The following HEATR4 variants were observed in gnomAD, a reference collection of about 807,000 sequenced individuals.
The protein encoded by HEATR4 is HEAT repeat containing 4.
HEATR4 carries 95 observed loss-of-function variants against 108.8 expected under a neutral mutation model. The ratio of observed to expected loss-of-function variants is 0.87; its 90% CI spans 0.74 to 1.04. The LOEUF (loss-of-function observed/expected upper bound fraction) is 1.04, where lower values mean the gene tolerates loss of function less well. Ranked by LOEUF, HEATR4 falls within the 50% of genes least tolerant of loss-of-function variation. The probability of loss-of-function intolerance (pLI) is 0.00; values close to 1 mark genes in which losing one functional copy is unlikely to be tolerated. For missense variants in HEATR4, 1,152 were observed against 1,253.8 expected (o/e 0.92, Z 1.23); for synonymous variants, 443 against 459.4 (o/e 0.96, Z 0.46).
In HEATR4 at chr14:73,492,340, G is replaced by T. The variant is rs770987206; in HGVS notation, c.2844+726C>A. 1 of 1,613,976 alleles carries T rather than the reference G, an allele frequency of 6.2e-7. No homozygotes were observed. Among genetic ancestry groups the T allele is most frequent in the Non-Finnish European group, 8.5e-7 (1 of 1,179,844 alleles). On this transcript the variant is annotated intron_variant, in intron 17 of 17. Coordinates refer to ENST00000553558, the MANE Select transcript of HEATR4 (RefSeq NM_001220484.1). The surrounding 1 kb of genome is among the most constrained non-coding windows in gnomAD (Gnocchi z 4.9). Reference sequence around the variant, plus strand: ...AGGCCATACTGCCTCTGGCAGTGCAGGCTGCAATGGAAGAAAATGTGGAGT... The same window carrying T: ...AGGCCATACTGCCTCTGGCAGTGCATGCTGCAATGGAAGAAAATGTGGAGT...
At chr14:73,565,388 CT>C in the HEATR4 span, among the ~76,000 whole-genome samples, 2,587 of 139,670 alleles carry the variant, frequency 0.019, 70 homozygotes, top group African/African-American at 0.059. Flanking sequence ...TTTTCTTTTC[CT>C]TTTTTTTTTT....
the HEATR4 span, among the ~76,000 whole-genome samples, chr14:73,627,726 T>C: frequency 1.3e-5 from 2 of 152,206 alleles, no homozygotes; most frequent in African/African-American, 4.8e-5. Context: ...GCACGATTGA[T>C]TAAATCATTG....
Position 73,553,423 on chromosome 14 carries a change from A to C in HEATR4, c.-152+5328T>G, listed in dbSNP as rs1192044947. ...CTACGGGGGAGGCTGAGGCAGGAGA[A>C]TCACTTGGAACCCAGAAGGTAGAGG... On this transcript the variant is annotated intron_variant, in intron 1 of 17. Transcript: ENST00000553558. Among the ~76,000 whole-genome samples, 3 of 112,502 alleles carry C rather than the reference A, an allele frequency of 2.7e-5. 1 individual carries two copies. The highest frequency in any genetic ancestry group is 5.8e-5 in the Non-Finnish European group (3 of 51,384). 73.8% of individuals were successfully genotyped at this position (112,502 alleles called of 152,430 possible).
At chr14:73,519,260 G>A in intron 4 of HEATR4, 97 bp from the exon 5 acceptor site, 1 of 1,297,600 alleles carries the variant, frequency 7.7e-7, no homozygotes, top group Non-Finnish European at 1.1e-6. Flanking sequence ...ACTTCCTTTT[G>A]CCCTAATCTA....
chr14:73,601,888 C>T, the HEATR4 span, among the ~76,000 whole-genome samples: 1 of 151,000 alleles, frequency 6.6e-6, no homozygotes, highest in Non-Finnish European at 1.5e-5. Flanking sequence ...ACAAGGAGAG[C>T]TGGTTATTTC....
chr14:73,564,714 CT>C, the HEATR4 span, among the ~76,000 whole-genome samples: 1 of 127,428 alleles, frequency 7.8e-6, no homozygotes, highest in African/African-American at 2.9e-5. Flanking sequence ...CATGTCTTAT[CT>C]TTTCTGTTTT....
the HEATR4 span, among the ~76,000 whole-genome samples, chr14:73,590,647 T>C: frequency 3.3e-5 from 5 of 152,114 alleles, no homozygotes; most frequent in African/African-American, 1.2e-4. Context: ...TAAGGCCCGC[T>C]GAGAAATCGA....
chr14:73,568,647 G>A, the HEATR4 span, among the ~76,000 whole-genome samples: 2 of 152,010 alleles, frequency 1.3e-5, no homozygotes, highest in African/African-American at 2.4e-5. Flanking sequence ...AGCCGGGCGC[G>A]GTGGCTCATG....
chr14:73,587,095 C>T, the HEATR4 span, among the ~76,000 whole-genome samples: 1 of 151,048 alleles, frequency 6.6e-6, no homozygotes, highest in Non-Finnish European at 1.5e-5. Context: ...CAATTTCCTC[C>T]CTAATATAGA....
At position 73,492,675 on chromosome 14, in the gene HEATR4, A is replaced by C. The variant is rs773572459; in HGVS notation, c.2844+391T>G. 1 of 1,613,984 alleles carries C rather than the reference A, an allele frequency of 6.2e-7. No individual in the cohort carries two copies. The highest frequency in any genetic ancestry group is 1.1e-5 in the South Asian group (1 of 91,080). ...GAAACAGAAGTCCATATGCTTCAGG[A>C]TGGGATAGCTCGGCTGGTGGGTGAG... On this transcript the variant is annotated intron_variant, in intron 17 of 17. Coordinates refer to ENST00000553558, the MANE Select transcript of HEATR4 (RefSeq NM_001220484.1). This position sits in a 1 kb window ranked among gnomAD's most constrained non-coding sequence, Gnocchi z 4.9.
chr14:73,524,975 C>T (rs541793906), intron 2 of HEATR4, among the ~76,000 whole-genome samples: 3 of 152,152 alleles, frequency 2.0e-5, no homozygotes, highest in South Asian at 2.1e-4. Context: ...TAAAAGTGAC[C>T]GTATTGTATT....
chr14:73,569,854 G>A, the HEATR4 span: 3 of 1,604,970 alleles, frequency 1.9e-6, no homozygotes, highest in Non-Finnish European at 1.7e-6. Context: ...CGCGTGGGCC[G>A]GGTGCGAGGC....
chr14:73,551,523 G>C (rs1345926643), intron 1 of HEATR4, among the ~76,000 whole-genome samples: 4 of 114,124 alleles, frequency 3.5e-5, no homozygotes, highest in African/African-American at 1.1e-4. Context: ...AGACAAAATG[G>C]CAGGCCAGGC....
chr14:73,489,080 T>A (rs1885562636), intron 17 of HEATR4, among the ~76,000 whole-genome samples: 1 of 151,922 alleles, frequency 6.6e-6, no homozygotes, highest in African/African-American at 2.4e-5. Flanking sequence ...GGGAGGCTAT[T>A]TGTAATAAAC....
chr14:73,537,519 C>G (rs1160643634), intron 1 of HEATR4: 1 of 1,212,396 alleles, frequency 8.2e-7, no homozygotes, highest in Admixed American at 2.7e-5. Context: ...CAGCCGGTCA[C>G]GCTGCGCGCG....
intron 9 of HEATR4, among the ~76,000 whole-genome samples, chr14:73,507,472 C>T (rs1458039411): frequency 6.6e-6 from 1 of 152,124 alleles, no homozygotes; most frequent in Non-Finnish European, 1.5e-5. Flanking sequence ...CTTGCTCTGT[C>T]GCTCAGGCTG....
In HEATR4 at chr14:73,509,451, C is replaced by T. The variant is rs141513108; in HGVS notation, c.1581G>A (p.Pro527=). The change falls in exon 8 of 18, where the codon CCG becomes CCA. Residue 527 remains proline, a synonymous_variant. Coordinates refer to ENST00000553558, the MANE Select transcript of HEATR4 (RefSeq NM_001220484.1). ...RDSDKTIQDL[P]EVLLPALEAA... is the part of the protein sequence containing the mutation. The stretch of plus-strand genomic sequence containing the variant: ...CCTCTAGGGCAGGCAGTAGAACCTC[C>T]GGCAAGTCCTGGATGGTCTTGTCTG... 21 of 1,613,986 alleles carry T rather than the reference C, an allele frequency of 1.3e-5. No homozygotes were observed. The East Asian group carries it at 1.6e-4, about 12-fold the overall frequency.
At chr14:73,586,261 C>T in the HEATR4 span, among the ~76,000 whole-genome samples, 11 of 151,480 alleles carry the variant, frequency 7.3e-5, no homozygotes, top group East Asian at 7.8e-4. Context: ...GGCATCGTGG[C>T]GCATGCCTGT....
intron 2 of HEATR4, among the ~76,000 whole-genome samples, chr14:73,529,485 A>G (rs1463861234): frequency 1.3e-5 from 2 of 152,076 alleles, no homozygotes; most frequent in African/African-American, 2.4e-5. Flanking sequence ...TGGGGTTGGA[A>G]GGGTTAGGCT....
Sources: gnomAD v4.1 joint callset for allele counts (sites outside exome capture counted in the v4.1 genomes callset) on GRCh38, gnomAD v4.1.1 for gene constraint, Gnocchi (gnomAD v3.1) non-coding constraint, MANE v1.5 for transcripts, NCBI Gene and HGNC (gene_info 2026-07-23, HGNC 2026-07-21) for gene names.